ZFAT: variants seen among roughly 807,000 people sequenced by gnomAD.
The protein encoded by ZFAT is zinc finger and AT-hook domain containing.
Under a neutral mutation model 117.7 loss-of-function variants are expected in ZFAT, and 64 were observed. The ratio of observed to expected loss-of-function variants is 0.54; its 90% CI spans 0.44 to 0.67. The LOEUF is 0.67. ZFAT is among the 30% of genes least tolerant of loss of function. The pLI, the probability that ZFAT is intolerant of heterozygous loss-of-function variation, is 0.00. For missense variants in ZFAT, 1,433 were observed against 1,584.5 expected (o/e 0.90, Z 1.62); for synonymous variants, 679 against 615.0 (o/e 1.10, Z -1.54).
the ZFAT span, among the ~76,000 whole-genome samples, chr8:134,759,437 A>C: frequency 6.6e-6 from 1 of 152,220 alleles, no homozygotes; most frequent in Admixed American, 6.5e-5. Context: ...TGGAACCCCA[A>C]GATTCCTATT....
chr8:134,673,271 A>C (rs1341341561), intron 1 of ZFAT: 1 of 152,408 alleles, frequency 6.6e-6, no homozygotes, highest in Non-Finnish European at 1.5e-5. Context: ...CTTGCTTTAC[A>C]AGAGTAGAGG....
At chr8:134,790,256 T>A in the ZFAT span, among the ~76,000 whole-genome samples, 1 of 152,206 alleles carries the variant, frequency 6.6e-6, no homozygotes, top group African/African-American at 2.4e-5. Flanking sequence ...TCTAACCCCC[T>A]AAAAGGCTCT....
chr8:134,828,179 C>G, the ZFAT span, among the ~76,000 whole-genome samples: 4 of 152,126 alleles, frequency 2.6e-5, no homozygotes, highest in Non-Finnish European at 5.9e-5. Flanking sequence ...CTTTTAATAT[C>G]ATCTCTTCTT....
chr8:134,586,616 C>A (rs1354575913), intron 9 of ZFAT, among the ~76,000 whole-genome samples: 1 of 152,246 alleles, frequency 6.6e-6, no homozygotes, highest in Non-Finnish European at 1.5e-5. Context: ...GAATGCCATT[C>A]CAAGCCTGCC....
At chr8:134,609,534 A>G (rs1245446807) in intron 4 of ZFAT, among the ~76,000 whole-genome samples, 1 of 152,202 alleles carries the variant, frequency 6.6e-6, no homozygotes, top group African/African-American at 2.4e-5. Context: ...CTTGGTCTGC[A>G]GTGACGTACA....
At chr8:134,830,572 G>T in the ZFAT span, among the ~76,000 whole-genome samples, 1 of 152,222 alleles carries the variant, frequency 6.6e-6, no homozygotes, top group African/African-American at 2.4e-5. Context: ...TGCCGAGACT[G>T]CTGGTTAACA....
At chr8:134,665,302 C>G (rs1431444100) in intron 1 of ZFAT, among the ~76,000 whole-genome samples, 1 of 152,214 alleles carries the variant, frequency 6.6e-6, no homozygotes, top group Non-Finnish European at 1.5e-5. Flanking sequence ...CTCTGAGGGA[C>G]CCCTCCCCAA....
chr8:134,642,028 G>A (rs1185121251), intron 2 of ZFAT, among the ~76,000 whole-genome samples: 2 of 152,188 alleles, frequency 1.3e-5, no homozygotes, highest in Non-Finnish European at 2.9e-5. Context: ...AAGTTTGCAA[G>A]GCACTTTCCC....
intron 1 of ZFAT, among the ~76,000 whole-genome samples, chr8:134,690,350 G>C (rs1030735090): frequency 6.6e-6 from 1 of 152,176 alleles, no homozygotes; most frequent in Non-Finnish European, 1.5e-5. Context: ...GATGACGGAC[G>C]AATATTTTCA....
intron 7 of ZFAT, among the ~76,000 whole-genome samples, chr8:134,594,345 CG>C (rs1038733224): frequency 7.9e-5 from 12 of 152,296 alleles, no homozygotes; most frequent in Admixed American, 3.3e-4. Context: ...ACATACTGAC[CG>C]GGTGTACCCA....
At chr8:134,520,040 T>C (rs560852619) in intron 13 of ZFAT, among the ~76,000 whole-genome samples, 137 of 152,192 alleles carry the variant, frequency 9.0e-4, no homozygotes, top group Non-Finnish European at 1.7e-3. Context: ...TTTCATATGT[T>C]GTGGATTCTG....
At chr8:134,635,750 A>C (rs1000253832) in intron 3 of ZFAT, among the ~76,000 whole-genome samples, 11 of 152,162 alleles carry the variant, frequency 7.2e-5, no homozygotes, top group Non-Finnish European at 8.8e-5. Flanking sequence ...AAATCACTGG[A>C]AATCAGAGCT....
the ZFAT span, among the ~76,000 whole-genome samples, chr8:134,824,981 A>G: frequency 6.6e-6 from 1 of 152,330 alleles, no homozygotes; most frequent in East Asian, 1.9e-4. Flanking sequence ...GGTAAACTTG[A>G]ATTTTCCTAA....
At chr8:134,625,344 C>T (rs1829428232) in intron 3 of ZFAT, among the ~76,000 whole-genome samples, 1 of 152,206 alleles carries the variant, frequency 6.6e-6, no homozygotes, top group Non-Finnish European at 1.5e-5. Context: ...GCCTGCATTC[C>T]CCTATCTGCA....
chr8:134,616,936 TG>T, intron 3 of ZFAT, among the ~76,000 whole-genome samples: 1 of 152,130 alleles, frequency 6.6e-6, no homozygotes, highest in East Asian at 1.9e-4. Flanking sequence ...GGCTGTAAGG[TG>T]GAAGAACACA....
chr8:134,688,490 G>C (rs926961723), intron 1 of ZFAT, among the ~76,000 whole-genome samples: 7 of 152,182 alleles, frequency 4.6e-5, no homozygotes, highest in African/African-American at 1.4e-4. Context: ...GTGGAAATCA[G>C]GGATCCAAAT....
intron 3 of ZFAT, among the ~76,000 whole-genome samples, chr8:134,624,144 C>T (rs1829321244): frequency 6.6e-6 from 1 of 151,574 alleles, no homozygotes; most frequent in South Asian, 2.1e-4. Context: ...AGTTCCCATT[C>T]TTCTCAGCCC....
chr8:134,601,606 C>A lies in ZFAT; in HGVS notation c.2113G>T (p.Ala705Ser). 6.2e-7 allele frequency: 1 copy of A among 1,614,238 alleles called. No individual in the cohort carries two copies. The highest frequency in any genetic ancestry group is 2.2e-5 in the East Asian group (1 of 44,886). ...ITHQPDSCKA[A>S]PEHRSGITAF... ...GTGATGCCTGACCGGTGCTCAGGGG[C>A]AGCTTTGCAAGAGTCAGGCTGATGT... The change falls in exon 6 of 16, where the codon GCC (alanine) becomes TCC (serine). Residue 705 changes from alanine (A) to serine (S), a missense_variant. Transcript: ENST00000377838.
chr8:134,788,542 T>C, the ZFAT span, among the ~76,000 whole-genome samples: 1 of 152,266 alleles, frequency 6.6e-6, no homozygotes, highest in East Asian at 1.9e-4. Flanking sequence ...TAAATTTTGA[T>C]AAATTTACTT....
Sources: gnomAD v4.1 joint callset for allele counts (sites outside exome capture counted in the v4.1 genomes callset) on GRCh38, gnomAD v4.1.1 for gene constraint, MANE v1.5 for transcripts, NCBI Gene and HGNC (gene_info 2026-07-23, HGNC 2026-07-21) for gene names.